Variants in LDLRAD3 observed in about 807,000 individuals in gnomAD.
LDLRAD3 encodes the protein low density lipoprotein receptor class A domain containing 3, also known as low-density lipoprotein receptor class A domain-containing protein 3.
Under a neutral mutation model 29.4 loss-of-function variants are expected in LDLRAD3, and 20 were observed. That is an observed-to-expected ratio of 0.68 (90% CI 0.48 to 0.99). The LOEUF is 0.99. Among genes scored for constraint, LDLRAD3 ranks in the 50% least tolerant of loss-of-function variants. LDLRAD3 has a pLI of 0.00. For synonymous variants in LDLRAD3, 157 were observed against 192.7 expected, an observed-to-expected ratio of 0.81 and a Z score of 1.53; for missense variants, 420 against 454.3, an observed-to-expected ratio of 0.92 and a Z score of 0.69.
chr11:36,123,680 G>A (rs11033439), intron 4 of LDLRAD3, among the ~76,000 whole-genome samples: 22,999 of 152,270 alleles, frequency 0.15, 2,232 homozygotes, highest in Admixed American at 0.28. Context: ...AAGTTTGGAG[G>A]GGGAGTAGGC....
rs189092063 is a variant in LDLRAD3, at chr11:36,220,199, G to A, written c.455-6886G>A. Among the ~76,000 whole-genome samples, 13 of 152,266 alleles carry A rather than the reference G, an allele frequency of 8.5e-5. No individual in the cohort carries two copies. In the East Asian group the frequency reaches 2.5e-3, roughly 29 times the overall value. ...AAAAGACTGGTATTACTAAGTGCTGGTGAGGACACAGGATGACTGACAGTT... is the reference window on the plus strand; with the variant it reads ...AAAAGACTGGTATTACTAAGTGCTGATGAGGACACAGGATGACTGACAGTT... On this transcript the variant is annotated intron_variant, in intron 4 of 5. Coordinates refer to ENST00000315571, the MANE Select transcript of LDLRAD3 (RefSeq NM_174902.4).
chr11:35,986,563 C>T (rs1320807450), intron 1 of LDLRAD3, among the ~76,000 whole-genome samples: 2 of 152,176 alleles, frequency 1.3e-5, no homozygotes, highest in Non-Finnish European at 2.9e-5. Context: ...CACAAAAGCC[C>T]CTGCAGATTG....
In LDLRAD3 at chr11:36,226,995, C is replaced by G. The variant is rs949514314; in HGVS notation, c.455-90C>G. ...TGTGAATAGGGCTACTGTGAACATT[C>G]GCATGCAAGTTCTGGGGCTGATGTT... On this transcript the variant is annotated intron_variant, in intron 4 of 5. Transcript: ENST00000315571. 19 of 1,038,918 alleles carry G rather than the reference C, an allele frequency of 1.8e-5. No homozygotes were observed. The South Asian group carries it at 2.8e-4, about 15-fold the overall frequency. 64.4% of individuals were successfully genotyped at this position (1,038,918 alleles called of 1,614,324 possible).
intron 4 of LDLRAD3, among the ~76,000 whole-genome samples, chr11:36,176,001 A>G (rs954425473): frequency 1.3e-5 from 2 of 152,158 alleles, no homozygotes; most frequent in Non-Finnish European, 2.9e-5. Context: ...GTTAGTACAT[A>G]TATATTTAGA....
intron 4 of LDLRAD3, among the ~76,000 whole-genome samples, chr11:36,122,567 A>G (rs971203535): frequency 6.6e-6 from 1 of 152,234 alleles, no homozygotes; most frequent in Admixed American, 6.5e-5. Context: ...GATGATAACA[A>G]TAATAATTAC....
chr11:36,107,666 A>G (rs1332050641), intron 4 of LDLRAD3, among the ~76,000 whole-genome samples: 1 of 152,200 alleles, frequency 6.6e-6, no homozygotes, highest in Non-Finnish European at 1.5e-5. Flanking sequence ...AGTGTTCAGT[A>G]CAGTAACATG....
At chr11:36,037,741 C>T (rs969857633) in intron 2 of LDLRAD3, among the ~76,000 whole-genome samples, 1 of 152,202 alleles carries the variant, frequency 6.6e-6, no homozygotes, top group African/African-American at 2.4e-5. Context: ...ACTGGTCCTT[C>T]GCCCATCCAA....
At chr11:36,043,861 G>C (rs1852413399) in intron 2 of LDLRAD3, among the ~76,000 whole-genome samples, 1 of 152,162 alleles carries the variant, frequency 6.6e-6, no homozygotes, top group Admixed American at 6.5e-5. Flanking sequence ...AGAATATCGT[G>C]GTTTAAAGCT....
At chr11:36,183,154 C>G (rs986262793) in intron 4 of LDLRAD3, among the ~76,000 whole-genome samples, 4 of 152,148 alleles carry the variant, frequency 2.6e-5, no homozygotes, top group Admixed American at 6.5e-5. Flanking sequence ...GTGGGAGACC[C>G]AGAGAGCTTA....
At position 36,211,451 on chromosome 11, in the gene LDLRAD3, G is replaced by C. The variant is rs181644164; in HGVS notation, c.455-15634G>C. ...TTATTTCCTAAAACGAGCTTTGTAG[G>C]TGCTGTGTGGAAAATGGATTGGAGA... On this transcript the variant is annotated intron_variant, in intron 4 of 5. Transcript: ENST00000315571. Among the ~76,000 whole-genome samples the C allele has an allele frequency of 1.3e-4, 20 of 152,300 alleles. No homozygotes were observed. The East Asian group carries it at 3.9e-3, about 29-fold the overall frequency.
At chr11:36,148,149 C>T (rs1409287624) in intron 4 of LDLRAD3, among the ~76,000 whole-genome samples, 21 of 152,070 alleles carry the variant, frequency 1.4e-4, no homozygotes, top group African/African-American at 3.4e-4. Context: ...GGATTACAGG[C>T]GTGAGCCACC....
chr11:36,077,011 CAT>C (rs1853022665), intron 2 of LDLRAD3, among the ~76,000 whole-genome samples: 3 of 152,254 alleles, frequency 2.0e-5, no homozygotes, highest in Admixed American at 6.5e-5. Context: ...GTTTTCCCCA[CAT>C]GTGATTGATT....
At chr11:36,051,813 C>T (rs1371466777) in intron 2 of LDLRAD3, among the ~76,000 whole-genome samples, 3 of 152,108 alleles carry the variant, frequency 2.0e-5, no homozygotes, top group African/African-American at 7.2e-5. Flanking sequence ...TGAGTCGTCT[C>T]TCGAATAACC....
chr11:35,960,381 A>T (rs1337728880), intron 1 of LDLRAD3, among the ~76,000 whole-genome samples: 1 of 152,218 alleles, frequency 6.6e-6, no homozygotes, highest in Non-Finnish European at 1.5e-5. Context: ...CTCTATAATA[A>T]TATCCTTGAA....
intron 4 of LDLRAD3, among the ~76,000 whole-genome samples, chr11:36,188,788 GAACATTGA>G (rs1401540709): frequency 6.6e-6 from 1 of 152,102 alleles, no homozygotes; most frequent in Non-Finnish European, 1.5e-5. Flanking sequence ...TCAACATAAT[GAACATTGA>G]AACTACTAGC....
At chr11:36,124,665 C>T (rs191741271) in intron 4 of LDLRAD3, among the ~76,000 whole-genome samples, 7 of 151,754 alleles carry the variant, frequency 4.6e-5, no homozygotes, top group East Asian at 3.9e-4. Flanking sequence ...CCACCTTGTC[C>T]GGCACGCTAG....
intron 2 of LDLRAD3, among the ~76,000 whole-genome samples, chr11:36,044,157 C>A (rs1246456075): frequency 6.6e-6 from 1 of 151,970 alleles, no homozygotes; most frequent in African/African-American, 2.4e-5. Flanking sequence ...CTGTGCAGCC[C>A]CCGGGCTTAC....
At chr11:35,948,068 G>A (rs1447639295) in intron 1 of LDLRAD3, among the ~76,000 whole-genome samples, 1 of 152,070 alleles carries the variant, frequency 6.6e-6, no homozygotes, top group East Asian at 1.9e-4. Context: ...ACAAACACTA[G>A]GCGGGGAGAT....
chr11:36,225,973 T>C (rs1354602774), intron 4 of LDLRAD3, among the ~76,000 whole-genome samples: 4 of 151,266 alleles, frequency 2.6e-5, no homozygotes, highest in Non-Finnish European at 5.9e-5. Context: ...GAGGCTGAGG[T>C]GAGAGAATTG....
Sources: gnomAD v4.1 joint callset for allele counts (sites outside exome capture counted in the v4.1 genomes callset) on GRCh38, gnomAD v4.1.1 for gene constraint, MANE v1.5 for transcripts, NCBI Gene and HGNC (gene_info 2026-07-23, HGNC 2026-07-21) for gene names.